IMMP2L: variants seen among roughly 807,000 people sequenced by gnomAD.
IMMP2L encodes the protein mitochondrial inner membrane protease subunit 2.
In IMMP2L, 18 loss-of-function variants were observed where a neutral mutation model predicts 19.3. The ratio of observed to expected loss-of-function variants is 0.93; its 90% CI spans 0.64 to 1.38. The LOEUF (loss-of-function observed/expected upper bound fraction) is 1.38, where lower values mean the gene tolerates loss of function less well. Among genes scored for constraint, IMMP2L ranks in the 40% most tolerant of loss-of-function variants. IMMP2L has a pLI of 0.00. For synonymous variants in IMMP2L, 76 were observed against 73.0 expected (o/e 1.04, Z -0.21); for missense variants, 233 against 218.2 (o/e 1.07, Z -0.43).
chr7:110,773,758 A>AT (rs1443808180), intron 5 of IMMP2L, among the ~76,000 whole-genome samples: 4 of 151,778 alleles, frequency 2.6e-5, no homozygotes, highest in Admixed American at 6.6e-5. Context: ...TAAATCAGTC[A>AT]TTTCACTTGC....
chr7:111,109,823 T>C (rs1798983206), intron 3 of IMMP2L, among the ~76,000 whole-genome samples: 1 of 152,122 alleles, frequency 6.6e-6, no homozygotes, highest in African/African-American at 2.4e-5. Flanking sequence ...AAACTGAAGT[T>C]AATGGAAAGG....
At chr7:111,085,090 T>G (rs955830186) in intron 3 of IMMP2L, among the ~76,000 whole-genome samples, 31 of 152,150 alleles carry the variant, frequency 2.0e-4, no homozygotes, top group African/African-American at 6.3e-4. Flanking sequence ...CAGAGAAATA[T>G]AAGGAGAAAC....
rs142427978 is a variant in IMMP2L at position 111,395,827 on chromosome 7, T to C, written c.239+91411A>G. On this transcript the variant is annotated intron_variant, in intron 3 of 5. Coordinates refer to ENST00000405709, the MANE Select transcript of IMMP2L (RefSeq NM_032549.4). ...ACTTAAACTATAAAATTCATATTACTGAATTTGCATATATCCAGAGTGTCT... is the reference window on the plus strand; with the variant it reads ...ACTTAAACTATAAAATTCATATTACCGAATTTGCATATATCCAGAGTGTCT... 3.1e-3 allele frequency among the ~76,000 whole-genome samples: 467 copies of C among 152,236 alleles called. 6 individuals are homozygous for C. Among genetic ancestry groups the C allele is most frequent in the Admixed American group, 0.028 (427 of 15,290 alleles).
intron 3 of IMMP2L, among the ~76,000 whole-genome samples, chr7:111,208,477 G>A (rs1353567186): frequency 6.6e-6 from 1 of 152,074 alleles, no homozygotes; most frequent in Non-Finnish European, 1.5e-5. Flanking sequence ...ATTATGCCCT[G>A]GCCCAGAGAA....
At chr7:111,203,559 T>A (rs1433852196) in intron 3 of IMMP2L, among the ~76,000 whole-genome samples, 1 of 145,078 alleles carries the variant, frequency 6.9e-6, no homozygotes, top group Non-Finnish European at 1.5e-5. Flanking sequence ...ATTACATTAT[T>A]ATACTGGTTC....
At chr7:110,783,786 G>T (rs980520720) in intron 5 of IMMP2L, among the ~76,000 whole-genome samples, 1 of 151,800 alleles carries the variant, frequency 6.6e-6, no homozygotes, top group African/African-American at 2.4e-5. Flanking sequence ...ATGTGGAGAA[G>T]CAAGCTCTCT....
rs911063595 is a variant in IMMP2L at position 111,005,611 on chromosome 7, T to C, written c.240-42046A>G. On this transcript the variant is annotated intron_variant, in intron 3 of 5. Coordinates refer to ENST00000405709, the MANE Select transcript of IMMP2L (RefSeq NM_032549.4). ...TAATAAATCTACATAGTTTGTCACT[T>C]ACTGTGTTCCTGTAAGGGTGTCACA... Among the ~76,000 whole-genome samples the C allele has an allele frequency of 5.9e-5, 9 of 152,202 alleles. No individual in the cohort carries two copies. In the East Asian group the frequency reaches 1.7e-3, roughly 29 times the overall value.
chr7:110,921,038 A>G (rs1046655237), intron 4 of IMMP2L, among the ~76,000 whole-genome samples: 5 of 152,194 alleles, frequency 3.3e-5, no homozygotes, highest in African/African-American at 1.2e-4. Flanking sequence ...TATTTAAGAG[A>G]GAAAAAAGAA....
intron 5 of IMMP2L, among the ~76,000 whole-genome samples, chr7:110,721,942 GA>G (rs1795604985): frequency 6.6e-6 from 1 of 152,072 alleles, no homozygotes; most frequent in Non-Finnish European, 1.5e-5. Context: ...AGACAGAATT[GA>G]AGTGCTGTAA....
chr7:110,663,819 C>G lies in IMMP2L; in HGVS notation c.409-98G>C, dbSNP rs1046978778. 4 of 785,984 alleles carry G rather than the reference C, an allele frequency of 5.1e-6. No homozygotes were observed. The Admixed American group carries it at 1.2e-4, about 24-fold the overall frequency. 48.7% of individuals were successfully genotyped at this position (785,984 alleles called of 1,614,324 possible). ...GCAGAATTTAATCCAGGTTTAACATCCCAGGGAGAAGTGATGATGAATAAA... is the reference window on the plus strand; with the variant it reads ...GCAGAATTTAATCCAGGTTTAACATGCCAGGGAGAAGTGATGATGAATAAA... On this transcript the variant is annotated intron_variant, in intron 5 of 5. Transcript: ENST00000405709.
chr7:110,812,192 C>T (rs1156433054), intron 5 of IMMP2L, among the ~76,000 whole-genome samples: 1 of 151,968 alleles, frequency 6.6e-6, no homozygotes, highest in Non-Finnish European at 1.5e-5. Context: ...TACATCTTTC[C>T]ATTTCAGAGC....
intron 2 of IMMP2L, among the ~76,000 whole-genome samples, chr7:111,513,354 T>C (rs1265174201): frequency 6.6e-6 from 1 of 152,042 alleles, no homozygotes; most frequent in Admixed American, 6.6e-5. Context: ...ATATAAAAAA[T>C]ATTCAATATC....
intron 5 of IMMP2L, among the ~76,000 whole-genome samples, chr7:110,701,667 C>T (rs989765466): frequency 4.6e-5 from 7 of 152,184 alleles, no homozygotes; most frequent in South Asian, 2.1e-4. Flanking sequence ...TCAGGTGATC[C>T]GCCTGCCTTG....
intron 3 of IMMP2L, among the ~76,000 whole-genome samples, chr7:111,474,938 C>G (rs961837636): frequency 5.3e-5 from 8 of 152,214 alleles, no homozygotes; most frequent in Admixed American, 1.3e-4. Context: ...ATGTTTCCTA[C>G]TGTACTGTCA....
At chr7:111,001,593 C>T (rs547758118) in intron 3 of IMMP2L, among the ~76,000 whole-genome samples, 1 of 152,242 alleles carries the variant, frequency 6.6e-6, no homozygotes, top group Admixed American at 6.5e-5. Context: ...CAGTTAATTA[C>T]ACCTTACATG....
At chr7:111,190,732 T>C (rs566236662) in intron 3 of IMMP2L, among the ~76,000 whole-genome samples, 1 of 152,254 alleles carries the variant, frequency 6.6e-6, no homozygotes, top group South Asian at 2.1e-4. Context: ...ATTACATGAG[T>C]ATATTGCTTA....
intron 3 of IMMP2L, among the ~76,000 whole-genome samples, chr7:111,484,840 G>A (rs1440365881): frequency 1.3e-5 from 2 of 152,106 alleles, no homozygotes; most frequent in Admixed American, 1.3e-4. Flanking sequence ...AGGCTGGAGT[G>A]CAGTGGCACA....
intron 3 of IMMP2L, among the ~76,000 whole-genome samples, chr7:111,267,260 T>C (rs1817931637): frequency 6.6e-6 from 1 of 152,136 alleles, no homozygotes; most frequent in Admixed American, 6.6e-5. Flanking sequence ...TTCTGAGGCA[T>C]TAAAAAAACA....
At chr7:110,705,999 A>G (rs1794652038) in intron 5 of IMMP2L, among the ~76,000 whole-genome samples, 1 of 151,960 alleles carries the variant, frequency 6.6e-6, no homozygotes, top group Admixed American at 6.6e-5. Flanking sequence ...TCTCTTTGCT[A>G]TTGTGAATAG....
Sources: allele counts gnomAD v4.1 joint callset (sites outside exome capture counted in the v4.1 genomes callset), GRCh38; gene constraint gnomAD v4.1.1; transcripts MANE v1.5; gene names NCBI Gene and HGNC (gene_info 2026-07-23, HGNC 2026-07-21).